TMCO6: variants seen among roughly 807,000 people sequenced by gnomAD.
The protein encoded by TMCO6 is transmembrane and coiled-coil domain-containing protein 6.
TMCO6 carries 47 observed loss-of-function variants against 61.8 expected under a neutral mutation model. The ratio of observed to expected loss-of-function variants is 0.76; its 90% confidence interval spans 0.60 to 0.97. TMCO6 has a LOEUF of 0.97. TMCO6 is among the 50% of genes least tolerant of loss of function. The pLI, the probability that TMCO6 is intolerant of heterozygous loss-of-function variation, is 0.00. For synonymous variants in TMCO6, 261 were observed against 254.2 expected (o/e 1.03, Z -0.25); for missense variants, 557 against 601.6 (o/e 0.93, Z 0.78).
At chr5:140,600,357 T>C in the TMCO6 span, among the ~76,000 whole-genome samples, 1 of 152,200 alleles carries the variant, frequency 6.6e-6, no homozygotes, top group Admixed American at 6.5e-5. Context: ...TACTGGCACT[T>C]CAGCTTCTAT....
At chr5:140,633,302 T>C in the TMCO6 span, 6 of 626,616 alleles carry the variant, frequency 9.6e-6, no homozygotes, top group African/African-American at 3.6e-5. Context: ...CCTGGAAATA[T>C]TGCAATGAAG....
the TMCO6 span, among the ~76,000 whole-genome samples, chr5:140,624,447 C>T: frequency 3.3e-5 from 5 of 152,034 alleles, no homozygotes; most frequent in Non-Finnish European, 7.4e-5. Flanking sequence ...TAACTATAAC[C>T]GCGCTTTAAT....
downstream of TMCO6, chr5:140,645,489 G>A (rs554159431): frequency 2.0e-6 from 3 of 1,477,926 alleles, no homozygotes; most frequent in African/African-American, 1.4e-5. Context: ...TACAGCACAA[G>A]CTTTATGAGG....
chr5:140,639,260 G>A (rs1467696682), upstream of TMCO6: 1 of 433,140 alleles, frequency 2.3e-6, no homozygotes, highest in Non-Finnish European at 4.2e-6. Flanking sequence ...TTTTTTCCTA[G>A]AATTGGTAAG....
chr5:140,606,019 T>A, the TMCO6 span, among the ~76,000 whole-genome samples: 1 of 152,170 alleles, frequency 6.6e-6, no homozygotes, highest in East Asian at 1.9e-4. Context: ...TCGTTTTAAT[T>A]TCTGTAAGGT....
the TMCO6 span, chr5:140,631,778 C>T: frequency 1.6e-4 from 226 of 1,374,434 alleles, 1 homozygote; most frequent in East Asian, 5.2e-3. Flanking sequence ...TTGAATTGGT[C>T]GAAAAGTCCT....
the TMCO6 span, among the ~76,000 whole-genome samples, chr5:140,610,389 T>A: frequency 4.8e-4 from 73 of 151,984 alleles, no homozygotes; most frequent in African/African-American, 1.7e-3. Flanking sequence ...GTAGGAACAA[T>A]GGTCTCCTTG....
the TMCO6 span, among the ~76,000 whole-genome samples, chr5:140,610,705 T>C: frequency 6.6e-6 from 1 of 152,246 alleles, no homozygotes; most frequent in Admixed American, 6.5e-5. Flanking sequence ...CTTTTCAACC[T>C]GGATGCCATT....
At chr5:140,613,222 C>T in the TMCO6 span, among the ~76,000 whole-genome samples, 1 of 151,850 alleles carries the variant, frequency 6.6e-6, no homozygotes, top group South Asian at 2.1e-4. Flanking sequence ...AACCCTGTCT[C>T]TACTAAAAAT....
At chr5:140,598,554 T>C in the TMCO6 span, among the ~76,000 whole-genome samples, 3 of 152,200 alleles carry the variant, frequency 2.0e-5, no homozygotes, top group African/African-American at 7.2e-5. Context: ...TGGTCCAAAT[T>C]AGTACAGTAT....
the TMCO6 span, among the ~76,000 whole-genome samples, chr5:140,603,765 C>T: frequency 1.3e-5 from 2 of 151,946 alleles, no homozygotes; most frequent in East Asian, 3.9e-4. Context: ...GGGTTATTTT[C>T]ACCATTCGGT....
At chr5:140,605,714 CACACACACACACACACACACACACA>C in the TMCO6 span, among the ~76,000 whole-genome samples, 57 of 107,978 alleles carry the variant, frequency 5.3e-4, no homozygotes, top group Non-Finnish European at 9.4e-4. Flanking sequence ...CACACACACA[CACACACACACACACACACACACACA>C]AAGAAAGAAG....
In TMCO6 at chr5:140,641,726, T is replaced by C. The variant is rs1757044484; in HGVS notation, c.260T>C (p.Leu87Pro). 2.5e-6 allele frequency: 4 copies of C among 1,614,218 alleles called. No individual in the cohort carries two copies. In the South Asian group the frequency reaches 3.3e-5, roughly 13 times the overall value. The change falls in exon 3 of 12, where the codon CTG (leucine) becomes CCG (proline). Residue 87 changes from leucine (L) to proline (P), a missense_variant. Coordinates refer to ENST00000394671, the MANE Select transcript of TMCO6 (RefSeq NM_018502.5). ...GTEEKEREGA[L>P]VSLRRGLQHP... ...GAGGAAAAGGAGAGAGAGGGGGCTCTGGTCAGCCTTCGTCGAGGCTTGCAG... is the reference window on the plus strand; with the variant it reads ...GAGGAAAAGGAGAGAGAGGGGGCTCCGGTCAGCCTTCGTCGAGGCTTGCAG...
At chr5:140,633,032 G>A in the TMCO6 span, 15 of 1,613,482 alleles carry the variant, frequency 9.3e-6, no homozygotes, top group South Asian at 1.1e-5. Flanking sequence ...TGTGGCTCCC[G>A]AGTGGCACGC....
chr5:140,630,154 C>T, the TMCO6 span, among the ~76,000 whole-genome samples: 5 of 151,572 alleles, frequency 3.3e-5, no homozygotes, highest in African/African-American at 9.7e-5. Context: ...CCACCACACC[C>T]GGCTAATTTT....
At chr5:140,633,546 ATC>A in the TMCO6 span, 1 of 201,810 alleles carries the variant, frequency 5.0e-6, no homozygotes, top group Admixed American at 5.2e-5. Context: ...ATCCCAGAGA[ATC>A]TACTTGATTC....
At chr5:140,647,483 C>G, downstream of TMCO6, 1 of 1,612,406 alleles carries the variant, frequency 6.2e-7, no homozygotes, top group Non-Finnish European at 8.5e-7. Context: ...CGCGCCTCAC[C>G]TGACGCCCTG....
rs750039138 is a variant in TMCO6 at position 140,641,735 on chromosome 5, T to G, written c.269T>G (p.Leu90Arg). 3.7e-6 allele frequency: 6 copies of G among 1,614,088 alleles called. No homozygotes were observed. The South Asian group carries it at 4.4e-5, about 12-fold the overall frequency. ...GAGAGAGAGGGGGCTCTGGTCAGCCTTCGTCGAGGCTTGCAGCACCCTGAA... is the reference window on the plus strand; with the variant it reads ...GAGAGAGAGGGGGCTCTGGTCAGCCGTCGTCGAGGCTTGCAGCACCCTGAA... ...EKEREGALVSLRRGLQHPETQ... is the reference protein window; with the variant it reads ...EKEREGALVSRRRGLQHPETQ... Residue 90 changes from leucine to arginine, a missense_variant, in exon 3 of 12, where the codon CTT becomes CGT. Physicochemically the swap from Leu to Arg is moderately radical, Grantham distance 102. Coordinates refer to ENST00000394671, the MANE Select transcript of TMCO6 (RefSeq NM_018502.5).
At chr5:140,645,779 G>T, downstream of TMCO6, 1 of 1,555,404 alleles carries the variant, frequency 6.4e-7, no homozygotes, top group South Asian at 1.1e-5. Context: ...GTTAAGACAG[G>T]AAGAGTATTA....
Sources: allele counts gnomAD v4.1 joint callset (sites outside exome capture counted in the v4.1 genomes callset), GRCh38; gene constraint gnomAD v4.1.1; transcripts MANE v1.5; gene names NCBI Gene and HGNC (gene_info 2026-07-23, HGNC 2026-07-21).